FAT4: variants seen among roughly 807,000 people sequenced by gnomAD.
FAT4 encodes FAT atypical cadherin 4, also known as protocadherin Fat 4.
Under a neutral mutation model 303.9 loss-of-function variants are expected in FAT4, and 84 were observed. The ratio of observed to expected loss-of-function variants is 0.28; its 90% CI spans 0.23 to 0.33. The LOEUF is 0.33. Ranked by LOEUF, FAT4 falls within the 10% of genes least tolerant of loss-of-function variation. The probability of loss-of-function intolerance (pLI) is 1.00; values close to 1 mark genes in which losing one functional copy is unlikely to be tolerated. For synonymous variants in FAT4, 2,307 were observed against 2,298.8 expected (o/e 1.00, Z -0.10); for missense variants, 6,005 against 6,146.8 (o/e 0.98, Z 0.77).
Position 125,468,597 on chromosome 4 carries a change from C to T in FAT4, c.11991C>T (p.Asn3997=). 1 of 1,614,056 alleles carries T rather than the reference C, an allele frequency of 6.2e-7. No homozygotes were observed. The highest frequency in any genetic ancestry group is 8.5e-7 in the Non-Finnish European group (1 of 1,179,988). ...AATTTCCAAGCTTGGACCCCAATAA[C>T]AACTATATTTATGTCAAATTTGCCA... The part of the protein sequence containing the change: ...YMEFPSLDPN[N]NYIYVKFATI... Residue 3997 remains asparagine (N), a synonymous_variant, in exon 12 of 18, where the codon AAC becomes AAT. Transcript: ENST00000394329.
chr4:125,491,174 A>T lies in FAT4; in HGVS notation c.14358A>T (p.Pro4786=), dbSNP rs2126097991. 1.2e-6 allele frequency: 2 copies of T among 1,614,126 alleles called. No individual in the cohort carries two copies. Among genetic ancestry groups the T allele is most frequent in the East Asian group, 4.5e-5 (2 of 44,852 alleles). Residue 4786 remains proline, a synonymous_variant, in exon 18 of 18, where the codon CCA becomes CCT. Transcript: ENST00000394329. The stretch of plus-strand genomic sequence containing the variant: ...AGATTCCACTGGAATCTTCTCCTCC[A>T]GTCGGACTTTCTATTGAAGAAGTGG... The part of the protein sequence containing the change: ...IGQIPLESSP[P]VGLSIEEVER...
intron 8 of FAT4, among the ~76,000 whole-genome samples, chr4:125,445,613 GT>G (rs1578651282): frequency 1.3e-5 from 2 of 152,018 alleles, no homozygotes; most frequent in Admixed American, 1.3e-4. Context: ...GCAGACAACT[GT>G]ACTCTTCAGA....
At position 125,450,034 on chromosome 4, in the gene FAT4, A is replaced by G. The variant is rs1202089857; in HGVS notation, c.9024A>G (p.Thr3008=). 1.2e-6 allele frequency: 2 copies of G among 1,614,018 alleles called. No individual in the cohort carries two copies. The highest frequency in any genetic ancestry group is 1.7e-5 in the Admixed American group (1 of 60,008). Residue 3008 remains threonine, a synonymous_variant, in exon 10 of 18, where the codon ACA becomes ACG. Transcript: ENST00000394329. ...TTGGTACGAAGTTAATCAGAGTTACAGCAATAGATGACAAAGATTTTGGAC... is the reference window on the plus strand; with the variant it reads ...TTGGTACGAAGTTAATCAGAGTTACGGCAATAGATGACAAAGATTTTGGAC... The part of the protein sequence containing the change: ...VKVGTKLIRV[T]AIDDKDFGLN...
intron 2 of FAT4, among the ~76,000 whole-genome samples, chr4:125,325,758 TTTTG>T (rs1019509012): frequency 3.3e-5 from 5 of 152,286 alleles, no homozygotes; most frequent in African/African-American, 9.6e-5. Flanking sequence ...AATGAAATAG[TTTTG>T]TTTGTTTGTT....
chr4:125,481,823 C>T (rs1727241896), intron 16 of FAT4, 85 bp downstream of exon 16: 1 of 1,194,074 alleles, frequency 8.4e-7, no homozygotes, highest in Non-Finnish European at 1.2e-6. Context: ...AATTTCTGTC[C>T]TTTTCTTTAC....
chr4:125,391,310 C>A (rs1264173236), intron 2 of FAT4, among the ~76,000 whole-genome samples: 1 of 152,082 alleles, frequency 6.6e-6, no homozygotes, highest in Non-Finnish European at 1.5e-5. Flanking sequence ...AAATGTGGTA[C>A]ATATACACCA....
intron 2 of FAT4, among the ~76,000 whole-genome samples, chr4:125,384,071 T>C (rs527508893): frequency 3.3e-5 from 5 of 152,286 alleles, no homozygotes; most frequent in African/African-American, 4.8e-5. Context: ...TATTCATGCA[T>C]CAGCTGATGG....
chr4:125,345,668 C>T (rs571455338), intron 2 of FAT4, among the ~76,000 whole-genome samples: 1 of 151,980 alleles, frequency 6.6e-6, no homozygotes, highest in East Asian at 1.9e-4. Flanking sequence ...TTTCTTTTGG[C>T]CTCTAATTCA....
At chr4:125,486,631 G>A (rs557110556) in intron 16 of FAT4, among the ~76,000 whole-genome samples, 2 of 152,164 alleles carry the variant, frequency 1.3e-5, no homozygotes, top group East Asian at 1.9e-4. Flanking sequence ...CTGGAAACTC[G>A]GTAGCTGGAA....
chr4:125,405,727 C>T (rs1734574361), intron 3 of FAT4, among the ~76,000 whole-genome samples: 1 of 151,896 alleles, frequency 6.6e-6, no homozygotes. Context: ...TGGTCTCGAT[C>T]TCCTGACCTC....
chr4:125,408,409 C>T (rs779237208), intron 4 of FAT4, 35 bp from the exon 5 acceptor site: 107 of 1,370,798 alleles, frequency 7.8e-5, no homozygotes, highest in Middle Eastern at 5.6e-4. Context: ...TTCTTACTTC[C>T]TTGATTTTAT....
chr4:125,363,031 TG>T (rs1236889126), intron 2 of FAT4: 1 of 152,140 alleles, frequency 6.6e-6, no homozygotes, highest in African/African-American at 2.4e-5. Context: ...AGAACTCATT[TG>T]AAAAAAAAAA....
At chr4:125,443,785 A>G (rs1440610598) in intron 8 of FAT4, among the ~76,000 whole-genome samples, 1 of 152,172 alleles carries the variant, frequency 6.6e-6, no homozygotes, top group African/African-American at 2.4e-5. Flanking sequence ...CAGGCCAGAG[A>G]AGCAAGAGAG....
chr4:125,482,186 C>T (rs76467976), intron 16 of FAT4, among the ~76,000 whole-genome samples: 3,482 of 152,122 alleles, frequency 0.023, 137 homozygotes, highest in African/African-American at 0.081. Flanking sequence ...TTGAAATAAG[C>T]AAAAACATTT....
In FAT4 at chr4:125,491,250, C is replaced by A. The variant is rs753121820; in HGVS notation, c.14434C>A (p.His4812Asn). ...AAACCCAAGTATCTGCAGTGCAGAC[C>A]ATGGGAGGTCTTCTTCAGAGGAGGA... ...PRNPSICSADHGRSSSEEDCR... is the reference protein window; with the variant it reads ...PRNPSICSADNGRSSSEEDCR... The change falls in exon 18 of 18, where the codon CAT becomes AAT. Residue 4812 changes from histidine (H) to asparagine (N), a missense_variant. By Grantham distance (68) the His-to-Asn change is moderately conservative (BLOSUM62 1). Transcript: ENST00000394329. 6.2e-7 allele frequency: 1 copy of A among 1,614,074 alleles called. No individual in the cohort carries two copies. The highest frequency in any genetic ancestry group is 8.5e-7 in the Non-Finnish European group (1 of 1,180,002).
chr4:125,357,717 C>T (rs1041367106), intron 2 of FAT4, among the ~76,000 whole-genome samples: 1 of 152,152 alleles, frequency 6.6e-6, no homozygotes, highest in Admixed American at 6.6e-5. Flanking sequence ...TTGTTGAACA[C>T]TGCTGGCATG....
chr4:125,459,630 G>A (rs1408201468), intron 10 of FAT4, among the ~76,000 whole-genome samples: 3 of 152,044 alleles, frequency 2.0e-5, no homozygotes, highest in East Asian at 1.9e-4. Context: ...TGCTATGGCA[G>A]TAAACATATC....
intron 11 of FAT4, among the ~76,000 whole-genome samples, chr4:125,465,291 C>A (rs1448528314): frequency 6.6e-6 from 1 of 152,092 alleles, no homozygotes; most frequent in African/African-American, 2.4e-5. Context: ...AAAGGTATAT[C>A]AAGGTCAAAA....
At chr4:125,427,244 A>G (rs942942718) in intron 7 of FAT4, among the ~76,000 whole-genome samples, 5 of 151,700 alleles carry the variant, frequency 3.3e-5, no homozygotes, top group Non-Finnish European at 5.9e-5. Context: ...CATTTTAACG[A>G]TTTTTTAAGT....
Sources: allele counts gnomAD v4.1 joint callset (sites outside exome capture counted in the v4.1 genomes callset), GRCh38; gene constraint gnomAD v4.1.1; transcripts MANE v1.5; gene names NCBI Gene and HGNC (gene_info 2026-07-23, HGNC 2026-07-21).